SNTB2: variants seen among roughly 807,000 people sequenced by gnomAD.
The protein encoded by SNTB2 is syntrophin beta 2.
A neutral mutation model predicts 46.2 loss-of-function variants in SNTB2; 34 were observed. The ratio of observed to expected loss-of-function variants is 0.74; its 90% CI spans 0.56 to 0.98. The LOEUF (loss-of-function observed/expected upper bound fraction) is 0.98. SNTB2 is among the 50% of genes least tolerant of loss of function. The pLI, the probability that SNTB2 is intolerant of heterozygous loss-of-function variation, is 0.00. For missense variants in SNTB2, 603 were observed against 731.4 expected (o/e 0.82, Z 2.02); for synonymous variants, 290 against 312.6 (o/e 0.93, Z 0.76).
intron 5 of SNTB2, among the ~76,000 whole-genome samples, chr16:69,297,699 G>A (rs1965241175): frequency 6.6e-6 from 1 of 151,836 alleles, no homozygotes; most frequent in Non-Finnish European, 1.5e-5. Flanking sequence ...ATCCCTTGCA[G>A]TCAGGAGTTC....
At chr16:69,247,158 G>C (rs1413340196) in intron 2 of SNTB2, among the ~76,000 whole-genome samples, 1 of 151,750 alleles carries the variant, frequency 6.6e-6, no homozygotes, top group Non-Finnish European at 1.5e-5. Flanking sequence ...TATAGAGTTA[G>C]AGGTCTGCAT....
At chr16:69,280,045 T>G (rs1965024769) in intron 4 of SNTB2, among the ~76,000 whole-genome samples, 1 of 152,046 alleles carries the variant, frequency 6.6e-6, no homozygotes, top group Non-Finnish European at 1.5e-5. Flanking sequence ...TACTTGAGAT[T>G]AGGGAGTGGT....
intron 1 of SNTB2, chr16:69,240,572 A>G (rs937626226): frequency 6.6e-6 from 1 of 152,360 alleles, no homozygotes; most frequent in Non-Finnish European, 1.5e-5. Context: ...ATGCACAGCC[A>G]GATATTCCAC....
chr16:69,205,158 C>CT (rs1167359330), intron 1 of SNTB2, among the ~76,000 whole-genome samples: 9,904 of 137,826 alleles, frequency 0.072, 452 homozygotes, highest in African/African-American at 0.13. Flanking sequence ...TAACAGAATT[C>CT]TTTTTTTTTT....
intron 2 of SNTB2, among the ~76,000 whole-genome samples, chr16:69,248,226 A>G (rs971812061): frequency 6.6e-6 from 1 of 152,196 alleles, no homozygotes; most frequent in African/African-American, 2.4e-5. Flanking sequence ...ACATTGTAGA[A>G]ATTACTTTGT....
intron 1 of SNTB2, among the ~76,000 whole-genome samples, chr16:69,203,945 C>T (rs999471713): frequency 3.3e-5 from 5 of 151,568 alleles, no homozygotes; most frequent in Non-Finnish European, 4.4e-5. Context: ...CAGGCTGGAG[C>T]GTAGTGGCGC....
intron 1 of SNTB2, chr16:69,235,874 T>C (rs1444972029): frequency 3.9e-6 from 5 of 1,287,274 alleles, no homozygotes; most frequent in Non-Finnish European, 5.1e-6. Flanking sequence ...ACAACTGTTC[T>C]TGGAGTTGTG....
chr16:69,259,856 T>G (rs920553863), intron 2 of SNTB2, among the ~76,000 whole-genome samples, 194 bp from the exon 3 acceptor site: 8 of 145,772 alleles, frequency 5.5e-5, no homozygotes, highest in African/African-American at 2.0e-4. Flanking sequence ...GCAATCCCCC[T>G]GCCTTGGCCT....
intron 5 of SNTB2, among the ~76,000 whole-genome samples, chr16:69,298,578 G>A (rs1462423406): frequency 2.2e-5 from 3 of 138,416 alleles, no homozygotes; most frequent in Non-Finnish European, 4.6e-5. Context: ...CTGGAGTGCA[G>A]TGGCGTGATT....
intron 3 of SNTB2, among the ~76,000 whole-genome samples, chr16:69,266,077 A>G (rs1240293986): frequency 6.6e-6 from 1 of 152,082 alleles, no homozygotes; most frequent in Non-Finnish European, 1.5e-5. Flanking sequence ...TTAAAAGTTA[A>G]GGCAAGGCCA....
intron 2 of SNTB2, among the ~76,000 whole-genome samples, chr16:69,256,629 G>A (rs1304429896): frequency 6.6e-6 from 1 of 152,092 alleles, no homozygotes; most frequent in Non-Finnish European, 1.5e-5. Flanking sequence ...GTTGATGCAT[G>A]TTGTAACATG....
chr16:69,207,982 G>T (rs531879943), intron 1 of SNTB2, among the ~76,000 whole-genome samples: 3 of 139,740 alleles, frequency 2.1e-5, no homozygotes, highest in Non-Finnish European at 3.3e-5. Flanking sequence ...GGTGGTGCTC[G>T]CTGGTAATCC....
chr16:69,256,743 C>T (rs1448125845), intron 2 of SNTB2, among the ~76,000 whole-genome samples: 1 of 152,156 alleles, frequency 6.6e-6, no homozygotes, highest in Non-Finnish European at 1.5e-5. Context: ...GTTGCTTCCA[C>T]CTTTTGGCTA....
At chr16:69,298,334 C>A (rs987010780) in intron 5 of SNTB2, among the ~76,000 whole-genome samples, 2 of 152,052 alleles carry the variant, frequency 1.3e-5, no homozygotes, top group Non-Finnish European at 2.9e-5. Context: ...TTGACTGTGA[C>A]TTTTGCTGAG....
rs928861025 is a variant in SNTB2, at chr16:69,292,154, G to A, written c.1346-7436G>A. Among the ~76,000 whole-genome samples, 64 of 148,632 alleles carry A rather than the reference G, an allele frequency of 4.3e-4. 1 individual carries two copies. The highest frequency in any genetic ancestry group is 1.4e-3 in the African/African-American group (58 of 40,182). ...CAGGAGGTTGAGGCAGGAGAATGGCGAGAACCCGGGAGGCAGAGCTTGTAG... is the reference window on the plus strand; with the variant it reads ...CAGGAGGTTGAGGCAGGAGAATGGCAAGAACCCGGGAGGCAGAGCTTGTAG... On this transcript the variant is annotated intron_variant, in intron 5 of 6. Coordinates refer to ENST00000336278, the MANE Select transcript of SNTB2 (RefSeq NM_006750.4).
intron 6 of SNTB2, among the ~76,000 whole-genome samples, chr16:69,300,195 C>T (rs373495053): frequency 6.6e-6 from 1 of 152,156 alleles, no homozygotes; most frequent in East Asian, 1.9e-4. Flanking sequence ...ACTGTATCTG[C>T]TCTTCTTCAG....
At chr16:69,236,275 T>G (rs1964559841) in intron 1 of SNTB2, among the ~76,000 whole-genome samples, 1 of 152,108 alleles carries the variant, frequency 6.6e-6, no homozygotes, top group African/African-American at 2.4e-5. Flanking sequence ...AGAGACTCTT[T>G]TAAATCGGGA....
intron 3 of SNTB2, among the ~76,000 whole-genome samples, chr16:69,263,633 G>A (rs1964857341): frequency 6.6e-6 from 1 of 151,716 alleles, no homozygotes; most frequent in African/African-American, 2.4e-5. Context: ...GGTCAGGCTG[G>A]TCTTGAACTC....
At chr16:69,205,305 A>G (rs988686340) in intron 1 of SNTB2, among the ~76,000 whole-genome samples, 88 of 142,362 alleles carry the variant, frequency 6.2e-4, no homozygotes, top group African/African-American at 2.2e-3. Flanking sequence ...ACGCGCCACC[A>G]CGCTTGGCAA....
Sources: gnomAD v4.1 joint callset for allele counts (sites outside exome capture counted in the v4.1 genomes callset) on GRCh38, gnomAD v4.1.1 for gene constraint, MANE v1.5 for transcripts, NCBI Gene and HGNC (gene_info 2026-07-23, HGNC 2026-07-21) for gene names.